ATG2B: variants seen among roughly 807,000 people sequenced by gnomAD.
The protein encoded by ATG2B is autophagy related 2B.
In ATG2B, 121 loss-of-function variants were observed where a neutral mutation model predicts 241.3. The observed-to-expected ratio is 0.50, with a 90% CI of 0.43 to 0.58. The LOEUF (loss-of-function observed/expected upper bound fraction) is 0.58. ATG2B is among the 20% of genes least tolerant of loss of function. ATG2B has a pLI of 0.00. For synonymous variants in ATG2B, 858 were observed against 876.6 expected (o/e 0.98, Z 0.37); for missense variants, 2,306 against 2,491.6 (o/e 0.93, Z 1.59).
chr14:96,290,555 C>T lies in ATG2B; in HGVS notation c.5737G>A (p.Glu1913Lys). 6.2e-7 allele frequency: 1 copy of T among 1,614,194 alleles called. No individual in the cohort carries two copies. Among genetic ancestry groups the T allele is most frequent in the East Asian group, 2.2e-5 (1 of 44,882 alleles). The change falls in exon 40 of 42, where the codon GAG becomes AAG. Residue 1913 changes from glutamate to lysine, a missense_variant. This residue lies in a region of ATG2B where 379 missense variants were observed against 480.4 expected (regional missense o/e 0.79). Transcript: ENST00000359933. This position sits in a 1 kb window ranked among gnomAD's most constrained non-coding sequence, Gnocchi z 4.4. ...ATGCGGCCATCCTTCCGGTACTGCT[C>T]TATTGGGAGCCAGACCAAGTCCTTT... ...GLKDLVWLPI[E>K]QYRKDGRIVR...
At chr14:96,313,181 A>G (rs375713723) in intron 24 of ATG2B, 24 bp from the exon 25 acceptor site, 1 of 1,560,518 alleles carries the variant, frequency 6.4e-7, no homozygotes, top group Non-Finnish European at 8.8e-7. Context: ...GAAACAAAAG[A>G]ACATCAGTTT....
chr14:96,325,103 TAG>T (rs1405573936), intron 15 of ATG2B, among the ~76,000 whole-genome samples: 1 of 152,206 alleles, frequency 6.6e-6, no homozygotes, highest in Non-Finnish European at 1.5e-5. Flanking sequence ...AGCGATTAGT[TAG>T]TGTAATGGTT....
chr14:96,333,920 T>G, intron 7 of ATG2B, 47 bp from the exon 8 acceptor site: 1 of 1,542,050 alleles, frequency 6.5e-7, no homozygotes, highest in Non-Finnish European at 8.9e-7. Context: ...AATTTGGAGT[T>G]AATTAAGCAT....
In ATG2B at chr14:96,331,748, G is replaced by C. The variant is rs190872122; in HGVS notation, c.1469-111C>G. ...TTAAAAAACAGATGATCATACAACA[G>C]TTTGAATGATATTAAACAATTAATT... On this transcript the variant is annotated intron_variant, in intron 10 of 41. Coordinates refer to ENST00000359933, the MANE Select transcript of ATG2B (RefSeq NM_018036.7). 1.8e-4 allele frequency: 153 copies of C among 845,000 alleles called. No homozygotes were observed. The African/African-American group carries it at 2.2e-3, about 12-fold the overall frequency. 52.3% of individuals were successfully genotyped at this position (845,000 alleles called of 1,614,324 possible). A position where few individuals can be genotyped will look rare whatever the true frequency, so the allele number is the denominator to read the frequency against.
At chr14:96,350,980 C>G (rs1055294535) in intron 1 of ATG2B, among the ~76,000 whole-genome samples, 1 of 152,124 alleles carries the variant, frequency 6.6e-6, no homozygotes, top group Non-Finnish European at 1.5e-5. Flanking sequence ...AGAAATTCTC[C>G]CTTATGTACT....
chr14:96,296,747 C>T (rs150166455), intron 34 of ATG2B, among the ~76,000 whole-genome samples: 1 of 146,230 alleles, frequency 6.8e-6, no homozygotes, highest in African/African-American at 2.5e-5. Context: ...GGCGACAGTG[C>T]GAGACACTGT....
At chr14:96,343,632 A>G (rs1165044728) in intron 4 of ATG2B, among the ~76,000 whole-genome samples, 1 of 152,196 alleles carries the variant, frequency 6.6e-6, no homozygotes, top group East Asian at 1.9e-4. Flanking sequence ...AAAAAAATTA[A>G]TAACTCCCTT....
Position 96,338,915 on chromosome 14 carries a change from A to G in ATG2B, c.924+2607T>C, listed in dbSNP as rs549253306. 2.9e-4 allele frequency among the ~76,000 whole-genome samples: 44 copies of G among 152,342 alleles called. 1 individual carries two copies. The highest frequency in any genetic ancestry group is 1.0e-3 in the African/African-American group (43 of 41,588). Reference sequence around the variant, plus strand: ...AAAGGACTAATATCCAGAATCTACAAGGAGTTCAAACAAATCGGCAAGAAA... The same window carrying G: ...AAAGGACTAATATCCAGAATCTACAGGGAGTTCAAACAAATCGGCAAGAAA... On this transcript the variant is annotated intron_variant, in intron 6 of 41. Transcript: ENST00000359933.
At chr14:96,327,710 T>G (rs1370193900) in intron 14 of ATG2B, among the ~76,000 whole-genome samples, 2 of 152,240 alleles carry the variant, frequency 1.3e-5, no homozygotes, top group Non-Finnish European at 2.9e-5. Flanking sequence ...TTTCTATACA[T>G]CAATTTTATT....
chr14:96,339,241 T>C (rs1887944233), intron 6 of ATG2B, among the ~76,000 whole-genome samples: 1 of 151,546 alleles, frequency 6.6e-6, no homozygotes, highest in Admixed American at 6.6e-5. Flanking sequence ...AAACTAAAAG[T>C]AGATCTACCA....
rs200467554 is a variant in ATG2B, at chr14:96,341,635, T to C, written c.811A>G (p.Thr271Ala). 2.5e-6 allele frequency: 4 copies of C among 1,603,488 alleles called. No individual in the cohort carries two copies. In the Admixed American group the frequency reaches 5.1e-5, roughly 20 times the overall value. ...KIIYEPHPQL[T>A]RNLPEIAPSD... ...GGTGCTATCTCTGGTAAATTTCTAG[T>C]TAGCTGTGGGTGTGGCTCATAAATA... is the stretch of plus-strand genomic sequence containing the variant. Residue 271 changes from threonine (T) to alanine (A), a missense_variant, in exon 6 of 42, where the codon ACT becomes GCT. Physicochemically the swap from Thr to Ala is moderately conservative, Grantham distance 58. Around this residue, in one of 2 missense-constraint regions of ATG2B, gnomAD observed 1,927 missense variants for 2,011.2 expected, o/e 0.96. Coordinates refer to ENST00000359933, the MANE Select transcript of ATG2B (RefSeq NM_018036.7).
chr14:96,355,755 A>G (rs765274575), intron 1 of ATG2B, among the ~76,000 whole-genome samples: 20 of 152,208 alleles, frequency 1.3e-4, no homozygotes, highest in Non-Finnish European at 2.5e-4. Context: ...AAAAAAAGCA[A>G]ACATTAAATT....
chr14:96,290,244 T>G lies in ATG2B; in HGVS notation c.5856+192A>C, dbSNP rs1745867230. ...ATAGGCAAACAAATCTGACACTGTATTCCACTGCTTTATTCTAATTATTTA... is the reference window on the plus strand; with the variant it reads ...ATAGGCAAACAAATCTGACACTGTAGTCCACTGCTTTATTCTAATTATTTA... On this transcript the variant is annotated intron_variant, in intron 40 of 41. Transcript: ENST00000359933. The surrounding 1 kb of genome is among the most constrained non-coding windows in gnomAD (Gnocchi z 4.4). 4 of 1,237,044 alleles carry G rather than the reference T, an allele frequency of 3.2e-6. No homozygotes were observed. The highest frequency in any genetic ancestry group is 4.2e-6 in the Non-Finnish European group (4 of 945,590). The allele number at this position is 1,237,044 out of a possible 1,614,324, so 76.6% of individuals were successfully genotyped here.
rs774433431 is a variant in ATG2B, at chr14:96,334,422, G to A, written c.1004C>T (p.Ala335Val). The A allele has an allele frequency of 6.2e-7, 1 of 1,608,944 alleles. No homozygotes were observed. The highest frequency in any genetic ancestry group is 8.5e-7 in the Non-Finnish European group (1 of 1,177,768). Residue 335 changes from alanine (A) to valine (V), a missense_variant, in exon 7 of 42, where the codon GCA (alanine) becomes GTA (valine). Ala to Val is a moderately conservative substitution (Grantham distance 64). Transcript: ENST00000359933. Reference protein sequence around the residue: ...RQVHLLLDMLAAIAGPENSSK... With the variant: ...RQVHLLLDMLVAIAGPENSSK... ...ATACTTGCCTGGTCCAGCAATAGCT[G>A]CCAACATATCCAAAAGCAAGTGCAC...
chr14:96,316,056 C>T (rs996434857), intron 21 of ATG2B, among the ~76,000 whole-genome samples: 4 of 152,050 alleles, frequency 2.6e-5, no homozygotes, highest in African/African-American at 9.7e-5. Flanking sequence ...ACTTTGAAAG[C>T]GTGTCAAATG....
intron 1 of ATG2B, 94 bp downstream of exon 1, chr14:96,362,721 A>G: frequency 7.9e-7 from 1 of 1,267,572 alleles, no homozygotes; most frequent in Non-Finnish European, 1.1e-6. Context: ...ATTCCCAAGG[A>G]GGGACTGACT....
At chr14:96,328,150 T>C (rs1369468973) in intron 14 of ATG2B, among the ~76,000 whole-genome samples, 197 bp downstream of exon 14, 1 of 152,186 alleles carries the variant, frequency 6.6e-6, no homozygotes, top group East Asian at 1.9e-4. Context: ...TAACATTTCA[T>C]TCAGTGTGTC....
rs1334037500 is a variant in ATG2B, at chr14:96,304,498, G to A, written c.4839C>T (p.Ser1613=). The change falls in exon 32 of 42, where the codon AGC becomes AGT. Residue 1613 remains serine (S), a synonymous_variant. Transcript: ENST00000359933. The part of the protein sequence containing the change: ...NHDFLMEIQL[S]KVKFQHEVYP... ...TTTCCTTCAAATGCCATCTTACCTT[G>A]CTTAGCTGTATTTCCATTAAAAAGT... 6.2e-7 allele frequency: 1 copy of A among 1,610,314 alleles called. No homozygotes were observed. The highest frequency in any genetic ancestry group is 8.5e-7 in the Non-Finnish European group (1 of 1,177,500).
intron 34 of ATG2B, among the ~76,000 whole-genome samples, chr14:96,300,125 T>G (rs1886750711): frequency 6.6e-6 from 1 of 152,334 alleles, no homozygotes; most frequent in Admixed American, 6.5e-5. Context: ...TAAAATTTAT[T>G]TCCCTGATGG....
Sources: allele counts gnomAD v4.1 joint callset (sites outside exome capture counted in the v4.1 genomes callset), GRCh38; gene constraint gnomAD v4.1.1; regional missense constraint gnomAD v4.1.1; non-coding constraint Gnocchi (gnomAD v3.1); transcripts MANE v1.5; gene names NCBI Gene and HGNC (gene_info 2026-07-23, HGNC 2026-07-21).